Variants in NGLY1 observed in about 807,000 individuals in gnomAD.
The protein encoded by NGLY1 is N-glycanase 1.
In NGLY1, 68 loss-of-function variants were observed where a neutral mutation model predicts 84.6. That is an observed-to-expected ratio of 0.80 (90% CI 0.66 to 0.98). The LOEUF (loss-of-function observed/expected upper bound fraction) is 0.98, where lower values mean the gene tolerates loss of function less well. Ranked by LOEUF, NGLY1 falls within the 50% of genes least tolerant of loss-of-function variation. The pLI, the probability that NGLY1 is intolerant of heterozygous loss-of-function variation, is 0.00. For synonymous variants in NGLY1, 280 were observed against 275.2 expected, an observed-to-expected ratio of 1.02 and a Z score of -0.17; for missense variants, 779 against 770.2, an observed-to-expected ratio of 1.01 and a Z score of -0.14.
At chr3:25,776,776 C>T (rs1708173637) in intron 2 of NGLY1, among the ~76,000 whole-genome samples, 1 of 152,212 alleles carries the variant, frequency 6.6e-6, no homozygotes, top group Non-Finnish European at 1.5e-5. Context: ...CCAGTAAGTC[C>T]TGTTGATTCT....
Position 25,751,270 on chromosome 3 carries a change from G to T in NGLY1, c.493-7C>A. On this transcript the variant is annotated splice_region_variant and splice_polypyrimidine_tract_variant and intron_variant, in intron 3 of 11. Coordinates refer to ENST00000280700, the MANE Select transcript of NGLY1 (RefSeq NM_018297.4). ...TGGCTGAGTCAGCAGCAACCTAATA[G>T]GAAAAAAAAAAACTGAAATTAACTT... is the stretch of plus-strand genomic sequence containing the variant. 6.8e-7 allele frequency: 1 copy of T among 1,468,588 alleles called. No individual in the cohort carries two copies. Among genetic ancestry groups the T allele is most frequent in the Non-Finnish European group, 9.0e-7 (1 of 1,109,854 alleles). The allele number at this position is 1,468,588 out of a possible 1,614,324, so 91.0% of individuals were successfully genotyped here. A position where few individuals can be genotyped will look rare whatever the true frequency, so the allele number is the denominator to read the frequency against.
chr3:25,746,223 A>T (rs1165497500), intron 4 of NGLY1, among the ~76,000 whole-genome samples: 1 of 152,102 alleles, frequency 6.6e-6, no homozygotes, highest in Admixed American at 6.5e-5. Context: ...CATGTTGATC[A>T]CTACACTTGG....
upstream of NGLY1, among the ~76,000 whole-genome samples, chr3:25,788,257 A>AT (rs1402331976): frequency 6.6e-6 from 1 of 152,230 alleles, no homozygotes; most frequent in Non-Finnish European, 1.5e-5. Context: ...TAGTGAGAAA[A>AT]TCAGTTTGCT....
intron 1 of NGLY1, among the ~76,000 whole-genome samples, chr3:25,780,223 A>G (rs1447390630): frequency 6.6e-6 from 1 of 152,218 alleles, no homozygotes; most frequent in African/African-American, 2.4e-5. Flanking sequence ...CAGCACCATT[A>G]ACATGTGGGG....
At chr3:25,740,803 A>C (rs1474708519) in intron 4 of NGLY1, among the ~76,000 whole-genome samples, 1 of 152,090 alleles carries the variant, frequency 6.6e-6, no homozygotes, top group Non-Finnish European at 1.5e-5. Flanking sequence ...ATATAATCCC[A>C]ATTAAAATTA....
intron 4 of NGLY1, among the ~76,000 whole-genome samples, chr3:25,744,624 C>T (rs1271260671): frequency 6.6e-6 from 1 of 152,180 alleles, no homozygotes; most frequent in Non-Finnish European, 1.5e-5. Flanking sequence ...TATAGAATTT[C>T]AATTTTGGAG....
chr3:25,759,575 C>T (rs1707204170), intron 3 of NGLY1, among the ~76,000 whole-genome samples: 1 of 152,040 alleles, frequency 6.6e-6, no homozygotes, highest in African/African-American at 2.4e-5. Flanking sequence ...TTTACATATT[C>T]ATTGGCACAA....
intron 4 of NGLY1, among the ~76,000 whole-genome samples, chr3:25,740,912 A>G (rs546848760): frequency 1.3e-5 from 2 of 152,212 alleles, no homozygotes; most frequent in Admixed American, 1.3e-4. Context: ...AGATCATCTG[A>G]GGTCAGGAGT....
At chr3:25,777,330 G>A (rs2125319006) in intron 2 of NGLY1, among the ~76,000 whole-genome samples, 1 of 139,696 alleles carries the variant, frequency 7.2e-6, no homozygotes, top group East Asian at 2.4e-4. Flanking sequence ...AGGAGGCGAA[G>A]GTTGTGGTAA....
chr3:25,757,865 C>G (rs982471329), intron 3 of NGLY1, among the ~76,000 whole-genome samples: 2 of 152,180 alleles, frequency 1.3e-5, no homozygotes. Context: ...ACTGGAGAAG[C>G]TACCCTGAGG....
intron 10 of NGLY1, among the ~76,000 whole-genome samples, chr3:25,726,654 A>T (rs565942125): frequency 2.0e-5 from 3 of 152,326 alleles, no homozygotes; most frequent in Non-Finnish European, 4.4e-5. Context: ...GGCAAGGACC[A>T]GATTTGGAAA....
intron 4 of NGLY1, among the ~76,000 whole-genome samples, chr3:25,750,818 G>A (rs1055307310): frequency 6.6e-6 from 1 of 152,086 alleles, no homozygotes; most frequent in Non-Finnish European, 1.5e-5. Context: ...CTGTCCCTCA[G>A]TATATGCTGG....
At chr3:25,767,872 G>T (rs191074160) in intron 2 of NGLY1, among the ~76,000 whole-genome samples, 6 of 151,654 alleles carry the variant, frequency 4.0e-5, no homozygotes, top group African/African-American at 7.3e-5. Flanking sequence ...CAGCACTTTG[G>T]GGGGCTGAAG....
intron 4 of NGLY1, among the ~76,000 whole-genome samples, chr3:25,750,179 C>T (rs1056325241): frequency 2.6e-5 from 4 of 152,084 alleles, no homozygotes; most frequent in African/African-American, 9.7e-5. Context: ...ACGCCAGATG[C>T]TTATAAAACC....
intron 2 of NGLY1, among the ~76,000 whole-genome samples, chr3:25,770,213 T>C (rs984192499): frequency 6.6e-6 from 1 of 152,186 alleles, no homozygotes; most frequent in African/African-American, 2.4e-5. Flanking sequence ...TGCAATGGCA[T>C]GATCTCAGCT....
At chr3:25,786,679 G>T (rs1708609537), upstream of NGLY1, among the ~76,000 whole-genome samples, 1 of 152,160 alleles carries the variant, frequency 6.6e-6, no homozygotes, top group African/African-American at 2.4e-5. Context: ...AGTTACTCAA[G>T]AACTTTAACA....
At chr3:25,758,919 T>C (rs778924296) in intron 3 of NGLY1, among the ~76,000 whole-genome samples, 2 of 152,216 alleles carry the variant, frequency 1.3e-5, no homozygotes, top group African/African-American at 2.4e-5. Context: ...CTCTTAAACA[T>C]TAACCTGCTT....
chr3:25,768,606 G>A (rs765904839), intron 2 of NGLY1, among the ~76,000 whole-genome samples: 60 of 146,750 alleles, frequency 4.1e-4, no homozygotes, highest in Non-Finnish European at 6.4e-4. Flanking sequence ...CTGTGTCGCC[G>A]AGGCTGGAGC....
chr3:25,773,075 T>G (rs954770104), intron 2 of NGLY1, among the ~76,000 whole-genome samples: 2 of 152,244 alleles, frequency 1.3e-5, no homozygotes, highest in African/African-American at 4.8e-5. Flanking sequence ...TTCCTTTGTC[T>G]TGACTTTAGA....
Sources: gnomAD v4.1 joint callset for allele counts (sites outside exome capture counted in the v4.1 genomes callset) on GRCh38, gnomAD v4.1.1 for gene constraint, MANE v1.5 for transcripts, NCBI Gene and HGNC (gene_info 2026-07-23, HGNC 2026-07-21) for gene names.